Variants in USP43 observed in about 807,000 individuals in gnomAD.
USP43 encodes ubiquitin carboxyl-terminal hydrolase 43.
A neutral mutation model predicts 90.7 loss-of-function variants in USP43; 33 were observed. That is an observed-to-expected ratio of 0.36 (90% confidence interval 0.28 to 0.49). The LOEUF (loss-of-function observed/expected upper bound fraction) is 0.49. Ranked by LOEUF, USP43 falls within the 20% of genes least tolerant of loss-of-function variation. The pLI, the probability that USP43 is intolerant of heterozygous loss-of-function variation, is 0.98. For missense variants in USP43, 1,274 were observed against 1,476.4 expected (o/e 0.86, Z 2.25); for synonymous variants, 598 against 615.8 (o/e 0.97, Z 0.43).
intron 2 of USP43, among the ~76,000 whole-genome samples, chr17:9,662,470 A>T (rs2151966281): frequency 6.6e-6 from 1 of 152,186 alleles, no homozygotes; most frequent in East Asian, 1.9e-4. Context: ...CAGGCACCAG[A>T]CTGGATCCTT....
chr17:9,678,998 T>C (rs1474003549), intron 5 of USP43, among the ~76,000 whole-genome samples: 1 of 152,126 alleles, frequency 6.6e-6, no homozygotes, highest in East Asian at 1.9e-4. Context: ...TTATACCTTT[T>C]TGATTTAGAT....
intron 13 of USP43, among the ~76,000 whole-genome samples, chr17:9,711,350 T>C (rs182192892): frequency 3.3e-4 from 50 of 152,366 alleles, no homozygotes; most frequent in African/African-American, 1.2e-3. Context: ...ATATTTAGAA[T>C]GCCAAAGCTG....
intron 13 of USP43, 79 bp from the exon 14 acceptor site, chr17:9,711,889 A>G: frequency 1.4e-6 from 2 of 1,404,718 alleles, no homozygotes; most frequent in Non-Finnish European, 1.9e-6. Flanking sequence ...CGGAATGGGG[A>G]TCTGGTTGTG....
At chr17:9,667,915 G>T (rs2151968794) in intron 3 of USP43, among the ~76,000 whole-genome samples, 1 of 152,278 alleles carries the variant, frequency 6.6e-6, no homozygotes, top group Non-Finnish European at 1.5e-5. Context: ...ATTAAAATTT[G>T]GGAAGTTGGG....
intron 1 of USP43, among the ~76,000 whole-genome samples, chr17:9,653,352 C>G (rs1379789000): frequency 6.7e-6 from 1 of 149,304 alleles, no homozygotes; most frequent in East Asian, 2.2e-4. Context: ...CTTTGGGAGG[C>G]CGAGGCGGGT....
At chr17:9,715,851 G>A (rs556594393) in intron 14 of USP43, among the ~76,000 whole-genome samples, 192 of 151,418 alleles carry the variant, frequency 1.3e-3, no homozygotes, top group African/African-American at 4.3e-3. Context: ...CTGTGTATAT[G>A]TGTCTGTGTG....
intron 9 of USP43, among the ~76,000 whole-genome samples, chr17:9,699,649 G>T (rs1313549786): frequency 6.6e-6 from 1 of 152,166 alleles, no homozygotes; most frequent in Non-Finnish European, 1.5e-5. Context: ...TTCTGAAATG[G>T]GCTGGGCCCA....
intron 5 of USP43, 145 bp downstream of exon 5, chr17:9,677,026 T>C (rs372930530): frequency 1.0e-5 from 11 of 1,069,418 alleles, no homozygotes; most frequent in African/African-American, 8.0e-5. Flanking sequence ...ATGCCTGCTG[T>C]CTGGGATGAC....
chr17:9,717,589 T>G (rs947275890), intron 14 of USP43, among the ~76,000 whole-genome samples: 1 of 151,968 alleles, frequency 6.6e-6, no homozygotes, highest in African/African-American at 2.4e-5. Flanking sequence ...CTGCGTGGGT[T>G]TTCTCCGGGT....
At chr17:9,654,066 G>A (rs930378244) in intron 1 of USP43, among the ~76,000 whole-genome samples, 1 of 152,126 alleles carries the variant, frequency 6.6e-6, no homozygotes, top group African/African-American at 2.4e-5. Context: ...GAGTTGGAAG[G>A]GCCGGCTGCT....
At chr17:9,676,584 C>T (rs1913794084) in intron 4 of USP43, among the ~76,000 whole-genome samples, 162 bp from the exon 5 acceptor site, 1 of 152,166 alleles carries the variant, frequency 6.6e-6, no homozygotes, top group Admixed American at 6.5e-5. Context: ...GCTGGCCAGG[C>T]TAGTCTCGAA....
In USP43 at chr17:9,674,008, A is replaced by G. The variant is rs560248950; in HGVS notation, c.741-883A>G. Among the ~76,000 whole-genome samples the G allele has an allele frequency of 1.3e-5, 2 of 152,280 alleles. No individual in the cohort carries two copies. The highest frequency in any genetic ancestry group is 4.1e-4 in the South Asian group (2 of 4,824). Reference sequence around the variant, plus strand: ...AGCTTAAAAGCTCAGGATTTTAGAAAGATTTTGATGTCTGGACCCCTCTCT... The same window carrying G: ...AGCTTAAAAGCTCAGGATTTTAGAAGGATTTTGATGTCTGGACCCCTCTCT... On this transcript the variant is annotated intron_variant, in intron 3 of 14. Transcript: ENST00000285199. The surrounding 1 kb of genome is among the most constrained non-coding windows in gnomAD (Gnocchi z 4.4).
intron 14 of USP43, among the ~76,000 whole-genome samples, chr17:9,715,678 T>C (rs1281873924): frequency 6.7e-6 from 1 of 149,026 alleles, no homozygotes; most frequent in Non-Finnish European, 1.5e-5. Flanking sequence ...TGTGTGTGTG[T>C]CTGTGTGTAT....
rs1409042727 is a variant in USP43 at position 9,645,668 on chromosome 17, A to G, written c.36A>G (p.Gly12=). 7.9e-7 allele frequency: 1 copy of G among 1,269,594 alleles called. No individual in the cohort carries two copies. The highest frequency in any genetic ancestry group is 9.9e-7 in the Non-Finnish European group (1 of 1,013,968). 78.6% of individuals were successfully genotyped at this position (1,269,594 alleles called of 1,614,324 possible). A position where few individuals can be genotyped will look rare whatever the true frequency, so the allele number is the denominator to read the frequency against. ...GCCCCGGGGACGCGGCAGGAGGGGG[A>G]CCGCTCGCGCCCCGGCCCCGCCGCC... ...DLGPGDAAGG[G]PLAPRPRRRR... Residue 12 remains glycine (G), a synonymous_variant, in exon 1 of 15, where the codon GGA becomes GGG. Transcript: ENST00000285199. This position sits in a 1 kb window ranked among gnomAD's most constrained non-coding sequence, Gnocchi z 6.8.
chr17:9,712,750 A>T (rs151046257), intron 14 of USP43, among the ~76,000 whole-genome samples: 2 of 152,118 alleles, frequency 1.3e-5, no homozygotes, highest in African/African-American at 4.8e-5. Context: ...TTTGGACTCT[A>T]TTCTAAGTGT....
At chr17:9,688,930 C>G (rs1914761654) in intron 8 of USP43, among the ~76,000 whole-genome samples, 1 of 151,948 alleles carries the variant, frequency 6.6e-6, no homozygotes, top group Admixed American at 6.6e-5. Flanking sequence ...CTCAGTTGAT[C>G]CATCTGCCTC....
At chr17:9,696,865 C>T (rs575618229) in intron 9 of USP43, among the ~76,000 whole-genome samples, 28 of 152,378 alleles carry the variant, frequency 1.8e-4, no homozygotes, top group African/African-American at 6.2e-4. Flanking sequence ...CTGGTGAGCC[C>T]TCCACCTGTG....
intron 10 of USP43, among the ~76,000 whole-genome samples, 165 bp from the exon 11 acceptor site, chr17:9,700,954 T>G (rs1207039834): frequency 6.6e-6 from 1 of 152,096 alleles, no homozygotes; most frequent in Non-Finnish European, 1.5e-5. Context: ...TAAAATATAG[T>G]GCTGAGTCAG....
At chr17:9,685,356 C>T (rs578064420) in intron 7 of USP43, among the ~76,000 whole-genome samples, 1 of 152,306 alleles carries the variant, frequency 6.6e-6, no homozygotes, top group East Asian at 1.9e-4. Flanking sequence ...ACCATGAGCT[C>T]ACTGCTGTGC....
Sources: allele counts gnomAD v4.1 joint callset (sites outside exome capture counted in the v4.1 genomes callset), GRCh38; gene constraint gnomAD v4.1.1; non-coding constraint Gnocchi (gnomAD v3.1); transcripts MANE v1.5; gene names NCBI Gene and HGNC (gene_info 2026-07-23, HGNC 2026-07-21).